Variants in ZNF362 observed in about 807,000 individuals in gnomAD.
ZNF362 encodes the protein rotund homolog.
In ZNF362, 11 loss-of-function variants were observed where a neutral mutation model predicts 42.9. The observed-to-expected ratio is 0.26, with a 90% CI of 0.16 to 0.42. The LOEUF (loss-of-function observed/expected upper bound fraction) is 0.42, where lower values mean the gene tolerates loss of function less well. Among genes scored for constraint, ZNF362 ranks in the 20% least tolerant of loss-of-function variants. ZNF362 has a pLI of 1.00. For synonymous variants in ZNF362, 255 were observed against 257.3 expected (o/e 0.99, Z 0.09); for missense variants, 362 against 576.2 (o/e 0.63, Z 3.81).
the ZNF362 span, among the ~76,000 whole-genome samples, chr1:33,189,709 G>GTGTATATATATATATATA: frequency 2.2e-3 from 28 of 12,446 alleles, 1 homozygote; most frequent in Admixed American, 8.5e-3. Flanking sequence ...ACATATATAC[G>GTGTATATATATATATATA]TATATATATA....
the ZNF362 span, among the ~76,000 whole-genome samples, chr1:33,241,050 C>T: frequency 6.6e-6 from 1 of 151,898 alleles, no homozygotes; most frequent in Non-Finnish European, 1.5e-5. Context: ...AAGGGGGAAT[C>T]TGTTGAGATT....
At chr1:33,176,714 T>A in the ZNF362 span, among the ~76,000 whole-genome samples, 5 of 152,180 alleles carry the variant, frequency 3.3e-5, no homozygotes, top group Admixed American at 6.5e-5. Context: ...AGGGACGGTA[T>A]GTGGCCTAGT....
At chr1:33,189,698 C>CATATATAT in the ZNF362 span, among the ~76,000 whole-genome samples, 1 of 5,168 alleles carries the variant, frequency 1.9e-4, no homozygotes, top group African/African-American at 4.8e-4. Flanking sequence ...TATATATATA[C>CATATATAT]ACATATATAC....
At chr1:33,265,586 T>A (rs1407078314) in intron 1 of ZNF362, among the ~76,000 whole-genome samples, 1 of 151,938 alleles carries the variant, frequency 6.6e-6, no homozygotes, top group African/African-American at 2.4e-5. Flanking sequence ...TGGGGTGCAG[T>A]GGCTGGGGCT....
Position 33,299,334 on chromosome 1 carries a change from G to GTTTTTTTTTTTTTTCGT in ZNF362, c.*301_*302insTCGTTTTTTTTTTTTTT, listed in dbSNP as rs35161004. 6.5e-6 allele frequency: 1 copy of GTTTTTTTTTTTTTTCGT among 153,050 alleles called. No individual in the cohort carries two copies. The highest frequency in any genetic ancestry group is 2.9e-5 in the African/African-American group (1 of 34,530). The allele number at this position is 153,050 out of a possible 1,614,324, so 9.5% of individuals were successfully genotyped here. On this transcript the variant is annotated 3_prime_UTR_variant, in exon 9 of 9. Transcript: ENST00000539719. ...TTCCCCACCCTTCACTTGCTTCACTGTTTTTTTTTTTTTCGTTTTTTTTTT... is the reference window on the plus strand; with the variant it reads ...TTCCCCACCCTTCACTTGCTTCACTGTTTTTTTTTTTTTTCGTTTTTTTTTTTTTTCGTTTTTTTTTT...
chr1:33,205,563 T>G, the ZNF362 span, among the ~76,000 whole-genome samples: 2 of 152,168 alleles, frequency 1.3e-5, no homozygotes, highest in African/African-American at 4.8e-5. Context: ...AGGACTTATT[T>G]GACTTTATGA....
At chr1:33,183,039 T>A in the ZNF362 span, among the ~76,000 whole-genome samples, 32 of 152,262 alleles carry the variant, frequency 2.1e-4, no homozygotes, top group African/African-American at 7.7e-4. Flanking sequence ...GGTGTGTAGC[T>A]GAATAACCGC....
At chr1:33,158,188 CAG>C in the ZNF362 span, 31 of 1,471,100 alleles carry the variant, frequency 2.1e-5, no homozygotes, top group East Asian at 5.7e-4. Flanking sequence ...GTGTTTAGGA[CAG>C]GGGGCTGGGC....
the ZNF362 span, chr1:33,181,316 C>T: frequency 1.9e-6 from 3 of 1,567,956 alleles, no homozygotes; most frequent in Non-Finnish European, 2.6e-6. The surrounding 1 kb of genome is among the most constrained non-coding windows in gnomAD (Gnocchi z 6.5). Context: ...CCTGCCGCAC[C>T]CAGTGCTCCG....
chr1:33,235,216 T>C, the ZNF362 span, among the ~76,000 whole-genome samples: 6 of 152,208 alleles, frequency 3.9e-5, no homozygotes, highest in South Asian at 6.2e-4. Context: ...TCTGAGGCCC[T>C]GCAATACCGC....
At chr1:33,273,160 T>C (rs890577942) in intron 2 of ZNF362, among the ~76,000 whole-genome samples, 2 of 152,238 alleles carry the variant, frequency 1.3e-5, no homozygotes, top group Non-Finnish European at 2.9e-5. Context: ...CACCTAGCAG[T>C]GTGTCTGACA....
chr1:33,150,241 C>T, the ZNF362 span, among the ~76,000 whole-genome samples: 1 of 152,232 alleles, frequency 6.6e-6, no homozygotes, highest in Non-Finnish European at 1.5e-5. Context: ...AGCTCTCTGG[C>T]TCTTTCCTTT....
In ZNF362 at chr1:33,299,017, G is replaced by A. The variant is rs35620942; in HGVS notation, c.1234G>A (p.Gly412Ser). 3,887 of 1,611,474 alleles carry A rather than the reference G, an allele frequency of 2.4e-3. 11 individuals carry two copies. Among genetic ancestry groups the A allele is most frequent in the Non-Finnish European group, 3.0e-3 (3,542 of 1,179,964 alleles). ...HHSPQRTESP[G>S]IPVRISLI ...CTCGCCCCAGAGGACGGAGTCCCCC[G>A]GCATCCCGGTGCGAATCTCTCTCAT... The change falls in exon 9 of 9, where the codon GGC becomes AGC. Residue 412 changes from glycine (G) to serine (S), a missense_variant. By Grantham distance (56) the Gly-to-Ser change is moderately conservative. Coordinates refer to ENST00000539719, the MANE Select transcript of ZNF362 (RefSeq NM_152493.3).
At chr1:33,219,107 A>G in the ZNF362 span, among the ~76,000 whole-genome samples, 5 of 152,242 alleles carry the variant, frequency 3.3e-5, no homozygotes, top group African/African-American at 1.2e-4. Context: ...ACCTCTAAAC[A>G]TTGAAGAGAA....
chr1:33,147,500 G>T, the ZNF362 span: 306 of 1,613,170 alleles, frequency 1.9e-4, no homozygotes, highest in Non-Finnish European at 2.2e-4. This position sits in a 1 kb window ranked among gnomAD's most constrained non-coding sequence, Gnocchi z 8.1. Flanking sequence ...GCGGCTTCGT[G>T]TGCCAGCCCG....
At chr1:33,254,173 CTGGAGTGCAG>C (rs1393129046), upstream of ZNF362, among the ~76,000 whole-genome samples, 1 of 151,534 alleles carries the variant, frequency 6.6e-6, no homozygotes, top group Non-Finnish European at 1.5e-5. Context: ...GTTGCCCAGG[CTGGAGTGCAG>C]TGGCCCAATC....
the ZNF362 span, among the ~76,000 whole-genome samples, chr1:33,130,285 A>G: frequency 6.6e-6 from 1 of 152,228 alleles, no homozygotes; most frequent in Non-Finnish European, 1.5e-5. Context: ...CCCGTTGAGT[A>G]TGGATGGAAT....
the ZNF362 span, among the ~76,000 whole-genome samples, chr1:33,229,196 A>T: frequency 6.6e-6 from 1 of 152,172 alleles, no homozygotes; most frequent in Non-Finnish European, 1.5e-5. Context: ...AACCCTTAAC[A>T]TCTGACCCCA....
the ZNF362 span, among the ~76,000 whole-genome samples, chr1:33,205,984 G>C: frequency 3.3e-5 from 5 of 151,994 alleles, no homozygotes; most frequent in Non-Finnish European, 7.3e-5. Context: ...TCCAAATATA[G>C]ACCCGTGTTT....
Sources: allele counts gnomAD v4.1 joint callset (sites outside exome capture counted in the v4.1 genomes callset), GRCh38; gene constraint gnomAD v4.1.1; non-coding constraint Gnocchi (gnomAD v3.1); transcripts MANE v1.5; gene names NCBI Gene and HGNC (gene_info 2026-07-23, HGNC 2026-07-21).